The following PCDH15 variants were observed in gnomAD, a reference collection of about 807,000 sequenced individuals.
PCDH15 encodes protocadherin related 15.
Under a neutral mutation model 178.5 loss-of-function variants are expected in PCDH15, and 129 were observed. The ratio of observed to expected loss-of-function variants is 0.72; its 90% CI spans 0.63 to 0.84. PCDH15 has a LOEUF of 0.84. PCDH15 is among the 40% of genes least tolerant of loss of function. PCDH15 has a pLI of 0.00. For missense variants in PCDH15, 2,230 were observed against 2,099.9 expected, an observed-to-expected ratio of 1.06 and a Z score of -1.21; for synonymous variants, 800 against 732.0, an observed-to-expected ratio of 1.09 and a Z score of -1.50.
chr10:54,674,961 G>T (rs1209700154), intron 1 of PCDH15, among the ~76,000 whole-genome samples: 4 of 152,018 alleles, frequency 2.6e-5, no homozygotes, highest in African/African-American at 4.8e-5. Flanking sequence ...CAAAGACTAT[G>T]CTTCACGAAT....
chr10:53,898,691 C>G (rs1469337532), intron 26 of PCDH15, among the ~76,000 whole-genome samples: 2 of 152,108 alleles, frequency 1.3e-5, no homozygotes, highest in Non-Finnish European at 2.9e-5. Flanking sequence ...CTAGAAAATC[C>G]TCAGGAGACC....
intron 2 of PCDH15, among the ~76,000 whole-genome samples, chr10:54,945,391 A>G (rs1185955613): frequency 6.6e-6 from 1 of 151,648 alleles, no homozygotes; most frequent in East Asian, 1.9e-4. Flanking sequence ...ATAGATAGAT[A>G]GATATAAAAA....
At chr10:54,839,676 A>G (rs2133759664) in intron 3 of PCDH15, among the ~76,000 whole-genome samples, 1 of 152,250 alleles carries the variant, frequency 6.6e-6, no homozygotes, top group Admixed American at 6.6e-5. Context: ...ACTCTAGGCA[A>G]GATAAACCCA....
At chr10:55,602,586 C>A (rs546063552) in intron 2 of PCDH15, among the ~76,000 whole-genome samples, 2 of 152,230 alleles carry the variant, frequency 1.3e-5, no homozygotes, top group African/African-American at 4.8e-5. Context: ...GACCGCTGAC[C>A]CCCGAGCAGC....
Position 54,090,029 on chromosome 10 carries a change from G to T in PCDH15, c.1952C>A (p.Ala651Asp). 6.2e-7 allele frequency: 1 copy of T among 1,612,118 alleles called. No individual in the cohort carries two copies. Residue 651 changes from alanine (A) to aspartate (D), a missense_variant, in exon 16 of 38, where the codon GCC becomes GAC. Coordinates refer to ENST00000644397, the MANE Select transcript of PCDH15 (RefSeq NM_001384140.1). ...TCTCTGAGGATCTCCATTCTCAATG[G>T]CATATGTTATTGAGTCTCCCTCTCG... is the stretch of plus-strand genomic sequence containing the variant. ...TDREGDSITY[A>D]IENGDPQRVF...
chr10:55,464,625 A>AATATATATATATAT (rs201924826), intron 2 of PCDH15, among the ~76,000 whole-genome samples: 5 of 62,988 alleles, frequency 7.9e-5, no homozygotes, highest in South Asian at 5.4e-4. Context: ...AATGGGAGTA[A>AATATATATATATAT]ATATATATAT....
chr10:54,870,355 T>C (rs1371830065), intron 3 of PCDH15, among the ~76,000 whole-genome samples: 3 of 152,168 alleles, frequency 2.0e-5, no homozygotes, highest in African/African-American at 7.2e-5. Flanking sequence ...GCCTGGGAGT[T>C]ACATTTTGAG....
intron 2 of PCDH15, among the ~76,000 whole-genome samples, chr10:54,544,489 A>G (rs927619458): frequency 3.3e-5 from 5 of 152,166 alleles, no homozygotes; most frequent in Non-Finnish European, 7.3e-5. Context: ...CATAGGCTCA[A>G]TTTTAGACAA....
chr10:54,459,748 C>T (rs368016319), intron 3 of PCDH15, among the ~76,000 whole-genome samples: 2 of 152,142 alleles, frequency 1.3e-5, no homozygotes, highest in African/African-American at 4.8e-5. Context: ...AAATCTATTC[C>T]AGTGCTCAGA....
chr10:54,778,525 T>G (rs1312225905), intron 1 of PCDH15, among the ~76,000 whole-genome samples: 1 of 152,168 alleles, frequency 6.6e-6, no homozygotes, highest in African/African-American at 2.4e-5. Context: ...CTGTAAAAAT[T>G]TTATAAAGTC....
At chr10:55,327,788 A>G (rs997442927) in intron 2 of PCDH15, among the ~76,000 whole-genome samples, 1 of 152,078 alleles carries the variant, frequency 6.6e-6, no homozygotes, top group Non-Finnish European at 1.5e-5. Flanking sequence ...TAAAGCCATG[A>G]TATGAATACT....
At chr10:54,564,132 C>T (rs1301519668) in intron 2 of PCDH15, among the ~76,000 whole-genome samples, 2 of 151,854 alleles carry the variant, frequency 1.3e-5, no homozygotes, top group African/African-American at 4.8e-5. Context: ...TGTTTTTCCC[C>T]CCCACATCAT....
intron 25 of PCDH15, among the ~76,000 whole-genome samples, chr10:53,905,482 C>T (rs557519437): frequency 6.6e-6 from 1 of 152,062 alleles, no homozygotes; most frequent in Non-Finnish European, 1.5e-5. Flanking sequence ...TACAGGCATG[C>T]GCCACCATGG....
intron 1 of PCDH15, among the ~76,000 whole-genome samples, chr10:55,194,312 G>A (rs889565703): frequency 6.6e-6 from 1 of 151,956 alleles, no homozygotes; most frequent in Non-Finnish European, 1.5e-5. Flanking sequence ...GAGTATGACA[G>A]GTATGTTAAA....
intron 2 of PCDH15, among the ~76,000 whole-genome samples, chr10:55,458,910 A>C: frequency 6.6e-6 from 1 of 152,060 alleles, no homozygotes; most frequent in East Asian, 1.9e-4. Context: ...TCTACTCAAA[A>C]AGTTTATAAC....
chr10:54,776,547 G>A (rs956676374), intron 1 of PCDH15, among the ~76,000 whole-genome samples: 6 of 152,094 alleles, frequency 3.9e-5, no homozygotes, highest in Non-Finnish European at 8.8e-5. Flanking sequence ...TTTATAAAAT[G>A]TCTTCATGCT....
chr10:54,906,474 C>A (rs1446212488), intron 2 of PCDH15, among the ~76,000 whole-genome samples: 1 of 152,000 alleles, frequency 6.6e-6, no homozygotes. Context: ...TATGTACATA[C>A]AATTTGATGA....
chr10:55,528,862 A>C (rs1364913847), intron 2 of PCDH15, among the ~76,000 whole-genome samples: 1 of 151,910 alleles, frequency 6.6e-6, no homozygotes, highest in Non-Finnish European at 1.5e-5. Context: ...AACTGTTCCT[A>C]TTTCTCCACA....
chr10:54,873,416 C>A (rs920719854), intron 3 of PCDH15, among the ~76,000 whole-genome samples: 2 of 150,814 alleles, frequency 1.3e-5, no homozygotes, highest in Admixed American at 6.6e-5. Context: ...ATATGTCCTC[C>A]GCAAATTACC....
Sources: gnomAD v4.1 joint callset for allele counts (sites outside exome capture counted in the v4.1 genomes callset) on GRCh38, gnomAD v4.1.1 for gene constraint, MANE v1.5 for transcripts, NCBI Gene and HGNC (gene_info 2026-07-23, HGNC 2026-07-21) for gene names.